CPSF3: variants seen among roughly 807,000 people sequenced by gnomAD.
CPSF3 encodes the protein cleavage and polyadenylation specific factor 3.
Under a neutral mutation model 84.1 loss-of-function variants are expected in CPSF3, and 57 were observed. The ratio of observed to expected loss-of-function variants is 0.68; its 90% CI spans 0.55 to 0.85. The LOEUF (loss-of-function observed/expected upper bound fraction) is 0.85, where lower values mean the gene tolerates loss of function less well. Ranked by LOEUF, CPSF3 falls within the 40% of genes least tolerant of loss-of-function variation. The pLI is 0.00. For synonymous variants in CPSF3, 275 were observed against 278.1 expected (o/e 0.99, Z 0.11); for missense variants, 522 against 838.8 (o/e 0.62, Z 4.66).
At position 9,436,161 on chromosome 2, in the gene CPSF3, T is replaced by G. The variant is rs772383251; in HGVS notation, c.610-50T>G. The stretch of plus-strand genomic sequence containing the variant: ...ATTTCATTGATGTTTAACTTTTGAA[T>G]TCTTGGAGGATCATTGGTCTTAGTC... On this transcript the variant is annotated intron_variant, in intron 6 of 17. Transcript: ENST00000238112. The G allele has an allele frequency of 2.0e-6, 3 of 1,464,930 alleles. No homozygotes were observed. The South Asian group carries it at 4.4e-5, about 21-fold the overall frequency. The allele number at this position is 1,464,930 out of a possible 1,614,324, so 90.7% of individuals were successfully genotyped here. A position where few individuals can be genotyped will look rare whatever the true frequency, so the allele number is the denominator to read the frequency against.
At chr2:9,444,780 C>G (rs1005455898) in intron 10 of CPSF3, among the ~76,000 whole-genome samples, 1 of 152,126 alleles carries the variant, frequency 6.6e-6, no homozygotes, top group Non-Finnish European at 1.5e-5. Context: ...ATTCTCCTGC[C>G]TCAGCCTTCC....
chr2:9,426,785 T>A lies in CPSF3; in HGVS notation c.51-1980T>A, dbSNP rs544375412. ...AGAACAAGATAGGGACTGACACCTA[T>A]AGTTCCAGCTACTTGGGAGGCTGAG... On this transcript the variant is annotated intron_variant, in intron 1 of 17. Transcript: ENST00000238112. Among the ~76,000 whole-genome samples the A allele has an allele frequency of 4.0e-5, 6 of 151,112 alleles. No individual in the cohort carries two copies. In the South Asian group the frequency reaches 1.0e-3, roughly 26 times the overall value.
intron 16 of CPSF3, among the ~76,000 whole-genome samples, chr2:9,470,079 C>T (rs1354170505): frequency 2.0e-5 from 3 of 152,024 alleles, no homozygotes; most frequent in African/African-American, 7.2e-5. Flanking sequence ...AAAAATGAGC[C>T]AGGTGTGGTG....
Position 9,432,653 on chromosome 2 carries a change from GC to G in CPSF3, c.486del (p.Ala163ProfsTer4). 6 of 1,561,648 alleles carry G rather than the reference GC, an allele frequency of 3.8e-6. No individual in the cohort carries two copies. Among genetic ancestry groups the G allele is most frequent in the Non-Finnish European group, 5.3e-6 (6 of 1,141,354 alleles). On this transcript the variant is annotated frameshift_variant, in exon 5 of 18. Coordinates refer to ENST00000238112, the MANE Select transcript of CPSF3 (RefSeq NM_016207.4). LOFTEE classifies it high-confidence loss of function. Reference protein sequence around the residue: ...WCYHAGHVLGAAMFMIEIAGV... With the variant: ...WCYHAGHVLGXAMFMIEIAGV... ...TTACCATGCAGGTCACGTCCTAGGAGCCGCCATGTTCATGATTGAGATCGCA... is the reference window on the plus strand; with the variant it reads ...TTACCATGCAGGTCACGTCCTAGGAGCGCCATGTTCATGATTGAGATCGCA...
At chr2:9,434,103 G>A (rs1396910001) in intron 6 of CPSF3, 143 bp downstream of exon 6, 6 of 548,246 alleles carry the variant, frequency 1.1e-5, no homozygotes, top group African/African-American at 5.9e-5. Context: ...ACTGGTGGCC[G>A]GGCACGGTGG....
At chr2:9,439,643 A>T (rs752310696) in intron 7 of CPSF3, among the ~76,000 whole-genome samples, 11 of 152,174 alleles carry the variant, frequency 7.2e-5, no homozygotes, top group Non-Finnish European at 1.6e-4. Context: ...TTTTGACGGT[A>T]TATTACCCAC....
chr2:9,425,089 G>A (rs1336556205), intron 1 of CPSF3: 1 of 152,272 alleles, frequency 6.6e-6, no homozygotes, highest in East Asian at 1.9e-4. Context: ...CCTGAAAAAT[G>A]TGATGCCTGA....
chr2:9,459,737 C>T, intron 15 of CPSF3, 119 bp downstream of exon 15: 1 of 545,044 alleles, frequency 1.8e-6, no homozygotes, highest in Non-Finnish European at 3.1e-6. Context: ...GCATCCTCCA[C>T]TTCCCAGGTT....
intron 15 of CPSF3, among the ~76,000 whole-genome samples, chr2:9,466,329 CGCACG>C (rs1558466426): frequency 1.7e-4 from 11 of 63,540 alleles, no homozygotes; most frequent in Non-Finnish European, 3.9e-4. Flanking sequence ...CGCACACAGA[CGCACG>C]CACACACGCG....
chr2:9,425,498 C>T (rs933682241), intron 1 of CPSF3, among the ~76,000 whole-genome samples: 2 of 152,084 alleles, frequency 1.3e-5, no homozygotes, highest in Non-Finnish European at 1.5e-5. Context: ...CTGACGAGAG[C>T]CTGTAGTGAG....
chr2:9,448,400 A>G, intron 11 of CPSF3, 50 bp downstream of exon 11: 1 of 1,425,258 alleles, frequency 7.0e-7, no homozygotes, highest in Non-Finnish European at 9.5e-7. Context: ...TTCTTCAGGA[A>G]AGACTGTACT....
chr2:9,457,900 G>A (rs1360096716), intron 14 of CPSF3, among the ~76,000 whole-genome samples: 2 of 152,162 alleles, frequency 1.3e-5, no homozygotes, highest in South Asian at 2.1e-4. Flanking sequence ...CTATACAGGT[G>A]CATGCCACCA....
At chr2:9,462,684 C>T (rs551702245) in intron 15 of CPSF3, among the ~76,000 whole-genome samples, 55 of 152,272 alleles carry the variant, frequency 3.6e-4, no homozygotes, top group Middle Eastern at 3.4e-3. Flanking sequence ...CTTAATGCTC[C>T]GGTCCAAAAT....
intron 1 of CPSF3, 114 bp from the exon 2 acceptor site, chr2:9,428,651 A>G: frequency 1.5e-6 from 1 of 666,120 alleles, no homozygotes; most frequent in South Asian, 1.8e-5. Context: ...AGAATTTTTC[A>G]GTGAGGTGCT....
At chr2:9,443,147 G>C (rs768459860) in intron 9 of CPSF3, among the ~76,000 whole-genome samples, 8 of 152,218 alleles carry the variant, frequency 5.3e-5, no homozygotes, top group Non-Finnish European at 1.0e-4. Flanking sequence ...GGGTGACAAA[G>C]TGAGACCCTA....
Position 9,448,415 on chromosome 2 carries a change from A to C in CPSF3, c.1395+65A>C, listed in dbSNP as rs555053729. On this transcript the variant is annotated intron_variant, in intron 11 of 17. Transcript: ENST00000238112. ...TTCTTCAGGAAAGACTGTACTTCTT[A>C]AGAAAATAGATCTTTAGTCAAAAGA... 2.5e-4 allele frequency: 320 copies of C among 1,260,964 alleles called. 3 individuals are homozygous for C. The South Asian group carries it at 3.6e-3, about 14-fold the overall frequency. 78.1% of individuals were successfully genotyped at this position (1,260,964 alleles called of 1,614,324 possible). A position where few individuals can be genotyped will look rare whatever the true frequency, so the allele number is the denominator to read the frequency against.
intron 16 of CPSF3, among the ~76,000 whole-genome samples, chr2:9,469,307 G>A (rs1682082616): frequency 6.6e-6 from 1 of 152,120 alleles, no homozygotes; most frequent in Non-Finnish European, 1.5e-5. Flanking sequence ...TGATTTCAAG[G>A]AGGTTAGACA....
intron 1 of CPSF3, among the ~76,000 whole-genome samples, chr2:9,428,461 A>G (rs1680468680): frequency 6.6e-6 from 1 of 152,198 alleles, no homozygotes; most frequent in Non-Finnish European, 1.5e-5. Flanking sequence ...TAATCCTAAA[A>G]TTCAGAAAAT....
chr2:9,439,451 C>T (rs1037786877), intron 7 of CPSF3, among the ~76,000 whole-genome samples: 33 of 131,348 alleles, frequency 2.5e-4, no homozygotes, highest in Non-Finnish European at 4.9e-4. Flanking sequence ...GCAGCCTGGG[C>T]GACAGAGTGA....
Sources: gnomAD v4.1 joint callset for allele counts (sites outside exome capture counted in the v4.1 genomes callset) on GRCh38, gnomAD v4.1.1 for gene constraint, MANE v1.5 for transcripts, NCBI Gene and HGNC (gene_info 2026-07-23, HGNC 2026-07-21) for gene names.